The following GPHN variants were observed in gnomAD, a reference collection of about 807,000 sequenced individuals.
The protein encoded by GPHN is gephyrin.
A neutral mutation model predicts 95.5 loss-of-function variants in GPHN; 17 were observed. That is an observed-to-expected ratio of 0.18 (90% CI 0.12 to 0.27). GPHN has a LOEUF of 0.27. Among genes scored for constraint, GPHN ranks in the 10% least tolerant of loss-of-function variants. GPHN has a pLI of 1.00. For synonymous variants in GPHN, 320 were observed against 322.5 expected (o/e 0.99, Z 0.08); for missense variants, 660 against 978.1 (o/e 0.67, Z 4.34).
At chr14:67,373,566 C>G in the GPHN span, among the ~76,000 whole-genome samples, 1 of 152,204 alleles carries the variant, frequency 6.6e-6, no homozygotes, top group Non-Finnish European at 1.5e-5. Context: ...ACAAGACATT[C>G]ACTCTCACCA....
chr14:67,580,127 C>G, the GPHN span: 2 of 426,196 alleles, frequency 4.7e-6, no homozygotes, highest in East Asian at 8.8e-5. Flanking sequence ...TGTGCAGCGT[C>G]CAGAAGAAAA....
chr14:67,154,625 A>G (rs935398082), intron 18 of GPHN, among the ~76,000 whole-genome samples: 1 of 152,062 alleles, frequency 6.6e-6, no homozygotes. Context: ...ATATATAGAT[A>G]TATATAAAAG....
the GPHN span, among the ~76,000 whole-genome samples, chr14:67,275,298 A>G: frequency 6.6e-6 from 1 of 152,322 alleles, no homozygotes; most frequent in Non-Finnish European, 1.5e-5. Context: ...CATTCCATCA[A>G]TACCTAGTTT....
At chr14:66,666,254 A>T (rs1029388059) in intron 1 of GPHN, among the ~76,000 whole-genome samples, 12 of 150,356 alleles carry the variant, frequency 8.0e-5, no homozygotes, top group South Asian at 2.1e-4. Context: ...GTATAATAAA[A>T]ATATATATAT....
chr14:67,392,342 C>A, the GPHN span: 1 of 1,609,666 alleles, frequency 6.2e-7, no homozygotes, highest in South Asian at 1.1e-5. Context: ...GGCCAGGTAG[C>A]CTTGTTTCAC....
chr14:67,196,854 C>T, the GPHN span: 4 of 152,258 alleles, frequency 2.6e-5, no homozygotes, highest in South Asian at 8.3e-4. Flanking sequence ...CTAACTCTTT[C>T]TGAGGCCTTG....
chr14:67,387,960 AT>A, the GPHN span, among the ~76,000 whole-genome samples: 1 of 152,188 alleles, frequency 6.6e-6, no homozygotes, highest in Non-Finnish European at 1.5e-5. Flanking sequence ...CTCACCTATT[AT>A]TTTTAGGCGG....
intron 4 of GPHN, among the ~76,000 whole-genome samples, chr14:66,846,725 G>A (rs2062354944): frequency 6.6e-6 from 1 of 152,072 alleles, no homozygotes; most frequent in Non-Finnish European, 1.5e-5. Flanking sequence ...TTCATTGGTA[G>A]CTATTAATAA....
the GPHN span, chr14:67,303,503 C>A: frequency 1.3e-6 from 2 of 1,585,256 alleles, no homozygotes; most frequent in Non-Finnish European, 1.7e-6. Context: ...TAAAAAATAA[C>A]CTGATCTTTC....
chr14:66,919,997 C>T (rs1352929786), intron 6 of GPHN, among the ~76,000 whole-genome samples: 1 of 152,082 alleles, frequency 6.6e-6, no homozygotes, highest in African/African-American at 2.4e-5. Flanking sequence ...ACCCAGGAGG[C>T]GGAGGTTGCA....
At chr14:67,096,937 A>G (rs368213871) in intron 12 of GPHN, among the ~76,000 whole-genome samples, 1 of 152,104 alleles carries the variant, frequency 6.6e-6, no homozygotes, top group Admixed American at 6.6e-5. Flanking sequence ...AACAATATAT[A>G]TGGATCAGCA....
intron 11 of GPHN, among the ~76,000 whole-genome samples, chr14:67,087,235 C>T (rs182908114): frequency 9.6e-4 from 146 of 152,242 alleles, no homozygotes; most frequent in African/African-American, 3.5e-3. Flanking sequence ...TATTAGTGCA[C>T]TATTCAAAAT....
intron 12 of GPHN, among the ~76,000 whole-genome samples, chr14:67,089,383 G>T (rs1473974560): frequency 6.6e-6 from 1 of 151,264 alleles, no homozygotes; most frequent in Non-Finnish European, 1.5e-5. Context: ...ATATTTATGG[G>T]GTACATGAGA....
intron 9 of GPHN, among the ~76,000 whole-genome samples, chr14:66,970,576 G>A (rs914451706): frequency 6.6e-6 from 1 of 152,180 alleles, no homozygotes; most frequent in South Asian, 2.1e-4. Flanking sequence ...CTCTGGAGAA[G>A]CTCATAAAAT....
intron 1 of GPHN, among the ~76,000 whole-genome samples, chr14:66,651,604 T>A (rs1308828503): frequency 1.3e-5 from 2 of 152,168 alleles, no homozygotes; most frequent in African/African-American, 4.8e-5. Context: ...TGACTTCAAA[T>A]TATGGTGGCC....
the GPHN span, among the ~76,000 whole-genome samples, chr14:67,733,262 T>C: frequency 6.6e-6 from 1 of 152,178 alleles, no homozygotes; most frequent in Admixed American, 6.5e-5. Context: ...GGTATGCAAG[T>C]GCATCTGTCC....
chr14:67,650,458 G>C, the GPHN span: 1 of 481,710 alleles, frequency 2.1e-6, no homozygotes, highest in African/African-American at 1.9e-5. Context: ...AATTATGCCT[G>C]TTATGTTAGT....
At chr14:67,437,683 A>G in the GPHN span, among the ~76,000 whole-genome samples, 2 of 151,910 alleles carry the variant, frequency 1.3e-5, no homozygotes, top group African/African-American at 2.4e-5. Flanking sequence ...GGAGGAAATG[A>G]GATGTATTTG....
chr14:67,491,706 C>T, the GPHN span, among the ~76,000 whole-genome samples: 1 of 152,194 alleles, frequency 6.6e-6, no homozygotes, highest in Non-Finnish European at 1.5e-5. Flanking sequence ...GTTCTTCTCA[C>T]GTGACTCAGA....
Sources: gnomAD v4.1 joint callset for allele counts (sites outside exome capture counted in the v4.1 genomes callset) on GRCh38, gnomAD v4.1.1 for gene constraint, MANE v1.5 for transcripts, NCBI Gene and HGNC (gene_info 2026-07-23, HGNC 2026-07-21) for gene names.